Variants in STMN2 observed in about 807,000 individuals in gnomAD.
STMN2 encodes stathmin-2.
Under a neutral mutation model 24.1 loss-of-function variants are expected in STMN2, and 2 were observed. The observed-to-expected ratio is 0.08, with a 90% CI of 0.03 to 0.26. STMN2 has a LOEUF of 0.26. STMN2 is among the 10% of genes least tolerant of loss of function. The probability of loss-of-function intolerance (pLI) is 1.00; values close to 1 mark genes in which losing one functional copy is unlikely to be tolerated. For synonymous variants in STMN2, 83 were observed against 77.5 expected, an observed-to-expected ratio of 1.07 and a Z score of -0.37; for missense variants, 114 against 213.6, an observed-to-expected ratio of 0.53 and a Z score of 2.91.
At chr8:79,663,157 G>C (rs1401086156) in intron 4 of STMN2, among the ~76,000 whole-genome samples, 3 of 152,098 alleles carry the variant, frequency 2.0e-5, no homozygotes, top group Non-Finnish European at 4.4e-5. Context: ...ATCTTTGAAG[G>C]AAGTATAGGG....
intron 4 of STMN2, among the ~76,000 whole-genome samples, chr8:79,656,884 G>GT (rs71266026): frequency 4.7e-5 from 7 of 150,206 alleles, no homozygotes; most frequent in Non-Finnish European, 7.5e-5. Context: ...TTGTTTGTTT[G>GT]TTTTTTTGAG....
At chr8:79,628,370 C>T (rs951823677) in intron 1 of STMN2, among the ~76,000 whole-genome samples, 7 of 151,804 alleles carry the variant, frequency 4.6e-5, no homozygotes, top group African/African-American at 1.5e-4. Context: ...CACCATGTCT[C>T]GAACTCCTGT....
At chr8:79,621,557 T>C (rs1809516346) in intron 1 of STMN2, among the ~76,000 whole-genome samples, 1 of 152,208 alleles carries the variant, frequency 6.6e-6, no homozygotes, top group African/African-American at 2.4e-5. Context: ...AGAAGAGCCT[T>C]CTTCTTCTTA....
chr8:79,651,095 A>G (rs762481987), intron 3 of STMN2, among the ~76,000 whole-genome samples: 3 of 152,210 alleles, frequency 2.0e-5, no homozygotes, highest in Non-Finnish European at 4.4e-5. Context: ...AACACAGACA[A>G]TTATTAAGTC....
At chr8:79,616,790 A>G (rs1809390990) in intron 1 of STMN2, among the ~76,000 whole-genome samples, 1 of 152,108 alleles carries the variant, frequency 6.6e-6, no homozygotes, top group Non-Finnish European at 1.5e-5. Flanking sequence ...CTCTCTCTTA[A>G]TTGGATTTTT....
chr8:79,649,487 A>G (rs1162178217), intron 3 of STMN2, among the ~76,000 whole-genome samples: 3 of 152,050 alleles, frequency 2.0e-5, no homozygotes, highest in Admixed American at 6.5e-5. Context: ...ATTATATTCA[A>G]TTGTCATATT....
intron 1 of STMN2, among the ~76,000 whole-genome samples, chr8:79,622,984 T>C (rs1185112616): frequency 6.6e-6 from 1 of 152,170 alleles, no homozygotes; most frequent in African/African-American, 2.4e-5. Context: ...GTCTTCTCCC[T>C]GCCTGGCACC....
intron 1 of STMN2, among the ~76,000 whole-genome samples, chr8:79,636,065 A>G (rs1809943737): frequency 6.6e-6 from 1 of 152,066 alleles, no homozygotes; most frequent in African/African-American, 2.4e-5. Context: ...AAAAATACAA[A>G]AATTATCCAG....
intron 4 of STMN2, among the ~76,000 whole-genome samples, chr8:79,661,246 C>T (rs192197517): frequency 1.1e-3 from 175 of 152,240 alleles, no homozygotes; most frequent in African/African-American, 4.2e-3. Flanking sequence ...AATTTACATT[C>T]CCATCAACAG....
At chr8:79,640,745 A>G (rs1415704678) in intron 2 of STMN2, among the ~76,000 whole-genome samples, 2 of 152,250 alleles carry the variant, frequency 1.3e-5, no homozygotes, top group Admixed American at 1.3e-4. Flanking sequence ...AGCAATGAAC[A>G]TACAGAAGGG....
intron 3 of STMN2, among the ~76,000 whole-genome samples, chr8:79,645,353 T>C (rs1172718509): frequency 6.6e-6 from 1 of 152,232 alleles, no homozygotes; most frequent in African/African-American, 2.4e-5. Flanking sequence ...ATTTTATTCA[T>C]ACTAAGTGTT....
rs931941264 is a variant in STMN2, at chr8:79,649,873, C to T, written c.289-4998C>T. On this transcript the variant is annotated intron_variant, in intron 3 of 4. Transcript: ENST00000220876. ...AGTAATATACAAATTGGTAATTAAC[C>T]TCTTTGCAAAATGTTAAAGTGTTCC... 3.3e-5 allele frequency among the ~76,000 whole-genome samples: 5 copies of T among 152,228 alleles called. No homozygotes were observed. The East Asian group carries it at 9.7e-4, about 29-fold the overall frequency.
intron 3 of STMN2, among the ~76,000 whole-genome samples, chr8:79,653,033 T>C (rs1810369253): frequency 6.6e-6 from 1 of 152,142 alleles, no homozygotes; most frequent in Non-Finnish European, 1.5e-5. Context: ...ATTTTTGTAT[T>C]GGTTTTCCTG....
chr8:79,649,582 C>T (rs1810289551), intron 3 of STMN2, among the ~76,000 whole-genome samples: 1 of 152,064 alleles, frequency 6.6e-6, no homozygotes, highest in South Asian at 2.1e-4. Flanking sequence ...AGACACATCA[C>T]CTACCCTACT....
chr8:79,646,114 T>C (rs1392299769), intron 3 of STMN2, among the ~76,000 whole-genome samples: 2 of 152,140 alleles, frequency 1.3e-5, no homozygotes, highest in African/African-American at 4.8e-5. Context: ...AATATATAGC[T>C]TGTTTTGATT....
intron 4 of STMN2, 67 bp from the exon 5 acceptor site, chr8:79,664,748 C>A: frequency 6.6e-7 from 1 of 1,514,356 alleles, no homozygotes. Flanking sequence ...TCTAGTCAAG[C>A]GCATGGTACG....
At chr8:79,661,519 G>GT in intron 4 of STMN2, among the ~76,000 whole-genome samples, 1 of 152,192 alleles carries the variant, frequency 6.6e-6, no homozygotes, top group South Asian at 2.1e-4. Flanking sequence ...GAACATGTCT[G>GT]ATGAACACTT....
At chr8:79,636,569 T>C (rs1382655439) in intron 1 of STMN2, among the ~76,000 whole-genome samples, 1 of 152,202 alleles carries the variant, frequency 6.6e-6, no homozygotes, top group Non-Finnish European at 1.5e-5. Flanking sequence ...CCTTTCTTTC[T>C]CTTGTTATTT....
At chr8:79,641,628 GCACACACACACACA>G (rs61386841) in intron 3 of STMN2, 78 bp downstream of exon 3, 9,957 of 430,224 alleles carry the variant, frequency 0.023, 13 homozygotes, top group Middle Eastern at 0.043. Context: ...ACACATGCAC[GCACACACACACACA>G]CACACACACA....
Sources: gnomAD v4.1 joint callset for allele counts (sites outside exome capture counted in the v4.1 genomes callset) on GRCh38, gnomAD v4.1.1 for gene constraint, MANE v1.5 for transcripts, NCBI Gene and HGNC (gene_info 2026-07-23, HGNC 2026-07-21) for gene names.